SLX9: variants seen among roughly 807,000 people sequenced by gnomAD.
The protein encoded by SLX9 is SLX9 ribosome biogenesis factor.
Under a neutral mutation model 20.8 loss-of-function variants are expected in SLX9, and 19 were observed. The ratio of observed to expected loss-of-function variants is 0.91; its 90% CI spans 0.64 to 1.34. The LOEUF (loss-of-function observed/expected upper bound fraction) is 1.34. Among genes scored for constraint, SLX9 ranks in the 40% most tolerant of loss-of-function variants. The pLI is 0.00. For missense variants in SLX9, 299 were observed against 322.2 expected, an observed-to-expected ratio of 0.93 and a Z score of 0.55; for synonymous variants, 113 against 137.1, an observed-to-expected ratio of 0.82 and a Z score of 1.23.
intron 3 of SLX9, 120 bp from the exon 4 acceptor site, chr21:44,966,914 C>T (rs531150083): frequency 4.1e-4 from 539 of 1,308,912 alleles, no homozygotes; most frequent in Non-Finnish European, 5.3e-4. Context: ...GGGGTGACAG[C>T]GGGAAGGAGA....
chr21:44,952,470 GC>G (rs2084776159), intron 2 of SLX9, among the ~76,000 whole-genome samples: 1 of 152,258 alleles, frequency 6.6e-6, no homozygotes, highest in South Asian at 2.1e-4. Flanking sequence ...TCCCGGGGCC[GC>G]CTTCCATCAC....
intron 2 of SLX9, among the ~76,000 whole-genome samples, chr21:44,953,205 A>G (rs2084790748): frequency 1.3e-5 from 2 of 152,194 alleles, no homozygotes; most frequent in African/African-American, 2.4e-5. Flanking sequence ...CCCCCCGGCT[A>G]CAGGGCTATC....
intron 2 of SLX9, among the ~76,000 whole-genome samples, chr21:44,956,409 A>G (rs934311919): frequency 2.0e-5 from 3 of 151,872 alleles, no homozygotes; most frequent in Non-Finnish European, 2.9e-5. Context: ...TTTTCCCCAA[A>G]CGGCCTGTCC....
chr21:44,968,754 T>A (rs1435652440), intron 4 of SLX9, among the ~76,000 whole-genome samples: 1 of 85,054 alleles, frequency 1.2e-5, no homozygotes, highest in Non-Finnish European at 2.2e-5. Context: ...ATCTCTGTGC[T>A]TTTTTTTTTT....
chr21:44,950,981 T>C (rs1052980945), intron 2 of SLX9, among the ~76,000 whole-genome samples: 10 of 152,178 alleles, frequency 6.6e-5, no homozygotes, highest in African/African-American at 9.7e-5. Flanking sequence ...ACCTGGTCCC[T>C]GTCCTGGAGC....
At chr21:44,953,599 A>G (rs1568934073) in intron 2 of SLX9, among the ~76,000 whole-genome samples, 1 of 145,236 alleles carries the variant, frequency 6.9e-6, no homozygotes, top group Non-Finnish European at 1.5e-5. Flanking sequence ...GTGTTGACTT[A>G]GGACTGAAGC....
At chr21:44,948,928 A>G (rs1313665073) in intron 2 of SLX9, among the ~76,000 whole-genome samples, 1 of 152,204 alleles carries the variant, frequency 6.6e-6, no homozygotes, top group Non-Finnish European at 1.5e-5. Flanking sequence ...CGGCCATTGC[A>G]GGCCAGCGCC....
At chr21:44,958,743 G>A (rs1044928108) in intron 2 of SLX9, among the ~76,000 whole-genome samples, 1 of 152,212 alleles carries the variant, frequency 6.6e-6, no homozygotes. Flanking sequence ...CTCTGCTCCA[G>A]CTGCAGCATT....
At position 44,967,199 on chromosome 21, in the gene SLX9, G is replaced by C; in HGVS notation, c.500+18G>C. 12 of 1,551,658 alleles carry C rather than the reference G, an allele frequency of 7.7e-6. No individual in the cohort carries two copies. Among genetic ancestry groups the C allele is most frequent in the Non-Finnish European group, 9.6e-6 (11 of 1,150,962 alleles). ...GCCCGCAGGTGAGTGTCCGGGAGGG[G>C]TGGCCCTTTCCGAGCTGTGGGGCTG... is the stretch of plus-strand genomic sequence containing the variant. On this transcript the variant is annotated intron_variant, in intron 4 of 5. Transcript: ENST00000291634.
intron 4 of SLX9, chr21:44,972,929 G>T: frequency 2.7e-5 from 1 of 36,392 alleles, no homozygotes; most frequent in Non-Finnish European, 4.7e-5. Flanking sequence ...GATTCCACAC[G>T]GAGCAGCTTG....
chr21:44,942,316 G>A (rs1357421961), intron 1 of SLX9, among the ~76,000 whole-genome samples: 1 of 152,192 alleles, frequency 6.6e-6, no homozygotes, highest in Non-Finnish European at 1.5e-5. Context: ...AGGCTGCCCT[G>A]GTCTCCAGCA....
intron 2 of SLX9, among the ~76,000 whole-genome samples, chr21:44,948,348 T>G (rs2084687743): frequency 7.7e-6 from 1 of 130,690 alleles, no homozygotes. Flanking sequence ...GGGGAGCTGG[T>G]CGTGGAGCAT....
At chr21:44,958,091 G>A (rs2084890605) in intron 2 of SLX9, among the ~76,000 whole-genome samples, 1 of 152,362 alleles carries the variant, frequency 6.6e-6, no homozygotes, top group East Asian at 1.9e-4. Context: ...TATTCCTGGT[G>A]CCCACTCGGA....
chr21:44,960,150 C>T lies in SLX9; in HGVS notation c.334C>T (p.Arg112Cys), dbSNP rs369865339. The change falls in exon 3 of 6, where the codon CGT (arginine) becomes TGT (cysteine). Residue 112 changes from arginine (R) to cysteine (C), a missense_variant. Coordinates refer to ENST00000291634, the MANE Select transcript of SLX9 (RefSeq NM_058190.4). ...LPKKEKMKLR[R>C]EQWLQKIEAI... ...CAAGAAGGAGAAAATGAAGCTGAGG[C>T]GTGAGCAATGGTTGCAGAGTAAGTC... The T allele has an allele frequency of 6.0e-5, 97 of 1,614,238 alleles. No individual in the cohort carries two copies. The highest frequency in any genetic ancestry group is 2.1e-4 in the African/African-American group (16 of 75,052).
intron 5 of SLX9, among the ~76,000 whole-genome samples, chr21:44,975,568 C>T (rs1360419376): frequency 2.6e-5 from 4 of 152,258 alleles, no homozygotes; most frequent in Non-Finnish European, 5.9e-5. Context: ...CAGGACTCTG[C>T]CCAGTGGACC....
At chr21:44,969,040 A>G in intron 4 of SLX9, 1 of 417,698 alleles carries the variant, frequency 2.4e-6, no homozygotes, top group South Asian at 1.8e-5. Flanking sequence ...GGCGTGAGCC[A>G]CCGCGCCTGG....
At chr21:44,965,807 C>T (rs906937687) in intron 3 of SLX9, among the ~76,000 whole-genome samples, 2 of 152,148 alleles carry the variant, frequency 1.3e-5, no homozygotes, top group African/African-American at 4.8e-5. Flanking sequence ...TTTTCCTGGC[C>T]TGGGTCTGCA....
intron 4 of SLX9, 73 bp downstream of exon 4, chr21:44,967,254 T>C: frequency 1.3e-6 from 2 of 1,500,500 alleles, no homozygotes; most frequent in Admixed American, 2.3e-5. Flanking sequence ...GGGATATGAG[T>C]GGGAGCCACG....
intron 2 of SLX9, among the ~76,000 whole-genome samples, chr21:44,953,313 G>T (rs952484320): frequency 6.6e-6 from 1 of 152,198 alleles, no homozygotes; most frequent in Non-Finnish European, 1.5e-5. Context: ...GCAGGTCGTG[G>T]AGGCTGTCTT....
Sources: gnomAD v4.1 joint callset for allele counts (sites outside exome capture counted in the v4.1 genomes callset) on GRCh38, gnomAD v4.1.1 for gene constraint, MANE v1.5 for transcripts, NCBI Gene and HGNC (gene_info 2026-07-23, HGNC 2026-07-21) for gene names.